ZFHX3: variants seen among roughly 807,000 people sequenced by gnomAD.
ZFHX3 encodes zinc finger homeobox protein 3.
A neutral mutation model predicts 279.1 loss-of-function variants in ZFHX3; 42 were observed. The observed-to-expected ratio is 0.15, with a 90% confidence interval of 0.12 to 0.19. The LOEUF is 0.19. ZFHX3 is among the 10% of genes least tolerant of loss of function. The pLI is 1.00. For synonymous variants in ZFHX3, 2,293 were observed against 1,957.8 expected, an observed-to-expected ratio of 1.17 and a Z score of -4.52; for missense variants, 4,981 against 4,754.0, an observed-to-expected ratio of 1.05 and a Z score of -1.40.
At chr16:73,341,773 A>G (rs2016037905) in intron 3 of ZFHX3, among the ~76,000 whole-genome samples, 1 of 152,256 alleles carries the variant, frequency 6.6e-6, no homozygotes, top group Admixed American at 6.5e-5. Context: ...GGAATGGAGT[A>G]CTGATATATA....
chr16:73,115,485 G>C (rs28693803), intron 7 of ZFHX3, among the ~76,000 whole-genome samples: 2,573 of 152,066 alleles, frequency 0.017, 67 homozygotes, highest in African/African-American at 0.059. Context: ...GGGAGGTCGA[G>C]GCTGCAGTGA....
At chr16:73,236,884 C>T (rs879218494) in intron 5 of ZFHX3, among the ~76,000 whole-genome samples, 24 of 152,170 alleles carry the variant, frequency 1.6e-4, no homozygotes, top group Admixed American at 3.3e-4. Context: ...AGAAGCCACG[C>T]GGTACCTGAG....
At chr16:73,149,038 CTATATA>C (rs965544409) in intron 5 of ZFHX3, among the ~76,000 whole-genome samples, 15 of 148,174 alleles carry the variant, frequency 1.0e-4, no homozygotes, top group African/African-American at 3.4e-4. Flanking sequence ...ATATAAAGTG[CTATATA>C]TATAAATAGA....
rs552721541 is a variant in ZFHX3, at chr16:73,573,992, T to C, written c.-1547+106188A>G. Among the ~76,000 whole-genome samples the C allele has an allele frequency of 4.6e-5, 7 of 152,362 alleles. No individual in the cohort carries two copies. The East Asian group carries it at 1.4e-3, about 29-fold the overall frequency. ...TTCTTCCTCCCTTCCCTCTCCTCCC[T>C]TCTTTTCTGTCTTCCTTTTTTCCTT... On this transcript the variant is annotated intron_variant, in intron 2 of 17. Transcript: ENST00000641206.
At chr16:73,853,105 G>C (rs991219947) in intron 1 of ZFHX3, among the ~76,000 whole-genome samples, 17 of 152,140 alleles carry the variant, frequency 1.1e-4, no homozygotes, top group African/African-American at 4.1e-4. Context: ...TCAGATAAAT[G>C]CAAATTAAGA....
upstream of ZFHX3, among the ~76,000 whole-genome samples, chr16:73,050,970 A>G (rs1040952364): frequency 1.3e-5 from 2 of 152,182 alleles, no homozygotes; most frequent in African/African-American, 4.8e-5. Flanking sequence ...GGTAAATTAC[A>G]ATGATTCTAC....
chr16:73,784,326 C>G (rs1430303773), intron 1 of ZFHX3, among the ~76,000 whole-genome samples: 1 of 152,080 alleles, frequency 6.6e-6, no homozygotes, highest in Non-Finnish European at 1.5e-5. Context: ...ATGTGCTTAA[C>G]ATGCTTAACA....
chr16:73,232,399 C>G (rs1483612079), intron 5 of ZFHX3: 2 of 152,180 alleles, frequency 1.3e-5, no homozygotes, highest in African/African-American at 2.4e-5. Flanking sequence ...AAAAAAATAA[C>G]AGAAGGCGAG....
Position 72,783,547 on chromosome 16 carries a change from TAAA to T in ZFHX3, c.*3614_*3616del, listed in dbSNP as rs2035215028. 6.6e-6 allele frequency: 1 copy of T among 152,568 alleles called. No individual in the cohort carries two copies. Among genetic ancestry groups the T allele is most frequent in the Non-Finnish European group, 1.5e-5 (1 of 68,038 alleles). 9.5% of individuals were successfully genotyped at this position (152,568 alleles called of 1,614,324 possible). ...CTGTTTTACTTTATTTTCAATTGTG[TAAA>T]ACTTTGGCCACATTCATCTCTTTAA... On this transcript the variant is annotated 3_prime_UTR_variant, in exon 10 of 10. Coordinates refer to ENST00000268489, the MANE Select transcript of ZFHX3 (RefSeq NM_006885.4).
intron 1 of ZFHX3, among the ~76,000 whole-genome samples, chr16:73,786,462 C>A (rs1959649773): frequency 6.6e-6 from 1 of 152,024 alleles, no homozygotes; most frequent in Non-Finnish European, 1.5e-5. Context: ...AGGAAGGGAC[C>A]TGGTTGTTTC....
At position 73,735,393 on chromosome 16, in the gene ZFHX3, A is replaced by G. The variant is rs937340053; in HGVS notation, c.-1607-55153T>C. 7.3e-5 allele frequency among the ~76,000 whole-genome samples: 11 copies of G among 151,698 alleles called. 1 individual carries two copies. The highest frequency in any genetic ancestry group is 4.6e-4 in the Admixed American group (7 of 15,250). On this transcript the variant is annotated intron_variant, in intron 1 of 17. Transcript: ENST00000641206. ...TCCATGTGTGCTTCTAAAAAAAAAAAAAAAAAAAAGAACTCCCCATTCTCC... is the reference window on the plus strand; with the variant it reads ...TCCATGTGTGCTTCTAAAAAAAAAAGAAAAAAAAAGAACTCCCCATTCTCC...
intron 5 of ZFHX3, among the ~76,000 whole-genome samples, chr16:73,172,529 T>A (rs951470928): frequency 6.6e-6 from 1 of 152,242 alleles, no homozygotes; most frequent in African/African-American, 2.4e-5. Flanking sequence ...GTGGGCAGTC[T>A]CTTCAGGCCT....
intron 1 of ZFHX3, among the ~76,000 whole-genome samples, chr16:73,715,210 T>C (rs1453591180): frequency 2.6e-5 from 4 of 152,104 alleles, no homozygotes; most frequent in Non-Finnish European, 2.9e-5. Flanking sequence ...GACCTCAACA[T>C]GGGTTGAGAC....
At chr16:73,746,003 C>T (rs139600409) in intron 1 of ZFHX3, among the ~76,000 whole-genome samples, 95 of 152,228 alleles carry the variant, frequency 6.2e-4, no homozygotes, top group African/African-American at 2.2e-3. Context: ...AATCAGGAGT[C>T]CACCCCTGCC....
At chr16:73,292,396 G>A (rs1463287188) in intron 4 of ZFHX3, among the ~76,000 whole-genome samples, 1 of 152,212 alleles carries the variant, frequency 6.6e-6, no homozygotes, top group Non-Finnish European at 1.5e-5. Flanking sequence ...GATGGCCCAT[G>A]GCAGCATTCT....
At position 72,949,704 on chromosome 16, in the gene ZFHX3, A is replaced by G. The variant is rs1960881390; in HGVS notation, c.3216+765T>C. 2.0e-5 allele frequency among the ~76,000 whole-genome samples: 3 copies of G among 151,652 alleles called. No homozygotes were observed. The South Asian group carries it at 6.2e-4, about 32-fold the overall frequency. ...TGGGAGAAGCCCAGGAAGAAGAAGA[A>G]AAAGTATAAGGAAGAGAAAGAGGAC... On this transcript the variant is annotated intron_variant, in intron 3 of 9. Coordinates refer to ENST00000268489, the MANE Select transcript of ZFHX3 (RefSeq NM_006885.4).
intron 2 of ZFHX3, among the ~76,000 whole-genome samples, chr16:73,496,860 G>A (rs978950725): frequency 1.1e-4 from 16 of 152,180 alleles, no homozygotes; most frequent in Admixed American, 6.5e-4. Context: ...CTCCCTCTGC[G>A]TTGGGTGGCC....
At chr16:73,360,629 A>G (rs922539188) in intron 3 of ZFHX3, among the ~76,000 whole-genome samples, 1 of 152,208 alleles carries the variant, frequency 6.6e-6, no homozygotes, top group African/African-American at 2.4e-5. Context: ...ATGAGCCACC[A>G]TGCCCAGCCG....
intron 2 of ZFHX3, chr16:73,679,477 G>A (rs775214100): frequency 6.6e-6 from 1 of 152,004 alleles, no homozygotes; most frequent in Non-Finnish European, 1.5e-5. Context: ...TTGGTTCTGC[G>A]TCCAACAAAA....
Sources: allele counts gnomAD v4.1 joint callset (sites outside exome capture counted in the v4.1 genomes callset), GRCh38; gene constraint gnomAD v4.1.1; transcripts MANE v1.5; gene names NCBI Gene and HGNC (gene_info 2026-07-23, HGNC 2026-07-21).